RPL31: variants seen among roughly 807,000 people sequenced by gnomAD.
RPL31 encodes large ribosomal subunit protein eL31.
For synonymous variants in RPL31, 51 were observed against 55.0 expected, an observed-to-expected ratio of 0.93 and a Z score of 0.32; for missense variants, 95 against 164.0, an observed-to-expected ratio of 0.58 and a Z score of 2.30.
intron 3 of RPL31, 40 bp downstream of exon 3, chr2:101,004,323 T>C (rs1342965984): frequency 6.2e-7 from 1 of 1,610,406 alleles, no homozygotes; most frequent in Non-Finnish European, 8.5e-7. Flanking sequence ...ACTTTTGCAA[T>C]GACACCAGCT....
downstream of RPL31, chr2:101,008,318 A>G (rs1397112538): frequency 6.9e-7 from 1 of 1,440,848 alleles, no homozygotes; most frequent in Admixed American, 2.7e-5. Context: ...CCAGGGTGGA[A>G]GTGTCATTTT....
Position 101,006,240 on chromosome 2 carries a change from G to A in RPL31, c.347-110G>A, listed in dbSNP as rs1426142907. 11 of 1,526,626 alleles carry A rather than the reference G, an allele frequency of 7.2e-6. No individual in the cohort carries two copies. In the East Asian group the frequency reaches 2.3e-4, roughly 32 times the overall value. 94.6% of individuals were successfully genotyped at this position (1,526,626 alleles called of 1,614,324 possible). ...TGCAAAACTGATCCATATCTGGGAT[G>A]TAAAAAGGTTGTGGAAAATAGAATG... On this transcript the variant is annotated intron_variant, in intron 4 of 4. Transcript: ENST00000264258.
In RPL31 at chr2:101,002,692, C is replaced by T; in HGVS notation, c.1-10C>T. ...ACTCTGCTCTGAGCCTCCTTGTCGC[C>T]TGCATTTAGATGGCTCCCGCAAAGA... On this transcript the variant is annotated splice_polypyrimidine_tract_variant and intron_variant, in intron 1 of 4. Transcript: ENST00000264258. The T allele has an allele frequency of 1.2e-6, 2 of 1,610,138 alleles. No homozygotes were observed. The highest frequency in any genetic ancestry group is 1.3e-5 in the African/African-American group (1 of 74,848).
intron 4 of RPL31, among the ~76,000 whole-genome samples, chr2:101,015,298 C>T (rs1679542268): frequency 1.3e-5 from 2 of 152,140 alleles, no homozygotes; most frequent in South Asian, 4.1e-4. Flanking sequence ...GGTTGCAGGG[C>T]TGTGGAAGCT....
downstream of RPL31, among the ~76,000 whole-genome samples, chr2:101,009,799 CTT>C (rs1431446422): frequency 6.6e-6 from 1 of 150,824 alleles, no homozygotes; most frequent in Non-Finnish European, 1.5e-5. Context: ...ACCAAAATGA[CTT>C]AAGTCCTATA....
At position 101,018,994 on chromosome 2, in the gene RPL31, C is replaced by T. The variant is rs547495886; in HGVS notation, c.347-4C>T. 1.9e-6 allele frequency: 3 copies of T among 1,611,948 alleles called. No homozygotes were observed. The South Asian group carries it at 3.3e-5, about 18-fold the overall frequency. On this transcript the variant is annotated splice_region_variant and splice_polypyrimidine_tract_variant and intron_variant, in intron 4 of 4. Coordinates refer to the RPL31 transcript ENST00000409028. ...CCAAATCATCTGTAATATTTCTGTG[C>T]TAGTTTCTGTGCTAAACAGTGTTAC...
chr2:101,006,440 A>G lies in RPL31; in HGVS notation c.*59A>G. Reference sequence around the variant, plus strand: ...TTGCCTTCATGTTTTTGTTCTTTTTAGTTGCAACATAATGTACTTGTATAC... The same window carrying G: ...TTGCCTTCATGTTTTTGTTCTTTTTGGTTGCAACATAATGTACTTGTATAC... On this transcript the variant is annotated 3_prime_UTR_variant, in exon 5 of 5. Coordinates refer to ENST00000264258, the MANE Select transcript of RPL31 (RefSeq NM_000993.5). 2.6e-6 allele frequency: 4 copies of G among 1,514,340 alleles called. No homozygotes were observed. In the South Asian group the frequency reaches 3.6e-5, roughly 14 times the overall value. The allele number at this position is 1,514,340 out of a possible 1,614,324, so 93.8% of individuals were successfully genotyped here. A position where few individuals can be genotyped will look rare whatever the true frequency, so the allele number is the denominator to read the frequency against.
chr2:101,010,653 GGT>G (rs1251946682), downstream of RPL31, among the ~76,000 whole-genome samples: 1 of 151,992 alleles, frequency 6.6e-6, no homozygotes, highest in Non-Finnish European at 1.5e-5. Flanking sequence ...AGGAGGCTGA[GGT>G]GGGCAGATCA....
chr2:101,011,086 G>A, downstream of RPL31: 1 of 1,530,492 alleles, frequency 6.5e-7, no homozygotes, highest in South Asian at 1.1e-5. Context: ...ACAGCAAAAA[G>A]GAAACTATGT....
downstream of RPL31, among the ~76,000 whole-genome samples, chr2:101,009,423 A>T (rs1327940671): frequency 4.0e-5 from 6 of 148,214 alleles, no homozygotes; most frequent in Non-Finnish European, 6.0e-5. Flanking sequence ...AAAAAAAAAA[A>T]GAAAAATGCT....
downstream of RPL31, chr2:101,011,562 T>TG: frequency 1.2e-6 from 2 of 1,612,954 alleles, no homozygotes; most frequent in Middle Eastern, 1.7e-4. Context: ...ATGAGAGGTT[T>TG]AAATTAAACA....
chr2:101,002,902 C>G (rs755095346), intron 2 of RPL31, 94 bp downstream of exon 2: 6 of 888,340 alleles, frequency 6.8e-6, no homozygotes, highest in Admixed American at 6.2e-5. Flanking sequence ...ATCTTTTCCT[C>G]TTGTGGCCTT....
At position 101,018,174 on chromosome 2, in the gene RPL31, ATAAT is replaced by A. The variant is rs1257763934; in HGVS notation, c.347-821_347-818del. Reference sequence around the variant, plus strand: ...CATACAGATATTGCTGTACTAATCTATAATTATGTTTTAGAATTCAAATTATAAC... The same window carrying A: ...CATACAGATATTGCTGTACTAATCTATATGTTTTAGAATTCAAATTATAAC... On this transcript the variant is annotated intron_variant, in intron 4 of 4. Coordinates refer to the RPL31 transcript ENST00000409028. The A allele has an allele frequency of 7.6e-6, 3 of 397,098 alleles. No individual in the cohort carries two copies. In the Admixed American group the frequency reaches 1.2e-4, roughly 16 times the overall value. The allele number at this position is 397,098 out of a possible 1,614,324, so 24.6% of individuals were successfully genotyped here.
intron 1 of RPL31, 170 bp from the exon 2 acceptor site, chr2:101,002,532 A>C (rs1678579496): frequency 3.2e-6 from 2 of 629,298 alleles, no homozygotes; most frequent in Non-Finnish European, 5.8e-6. Context: ...GGTCGGAGGC[A>C]TCTGAGGGGC....
Position 101,006,352 on chromosome 2 carries a change from C to T in RPL31, c.349C>T (p.Leu117=). The change falls in exon 5 of 5, where the codon CTA becomes TTA. Residue 117 remains leucine (L), a splice_region_variant and synonymous_variant. Transcript: ENST00000264258. ...TYVPVTTFKN[L]QTVNVDEN ...ATTGACTGTTACTTCCTTTACAGAT[C>T]TACAGACAGTCAATGTGGATGAGAA... 6.2e-7 allele frequency: 1 copy of T among 1,610,434 alleles called. No individual in the cohort carries two copies. Among genetic ancestry groups the T allele is most frequent in the South Asian group, 1.1e-5 (1 of 90,048 alleles).
downstream of RPL31, among the ~76,000 whole-genome samples, chr2:101,010,250 T>A (rs1042798653): frequency 1.3e-5 from 2 of 152,164 alleles, no homozygotes; most frequent in Non-Finnish European, 2.9e-5. Flanking sequence ...TAGAGACTCC[T>A]CTATCAGTAC....
rs1482814353 is a variant in RPL31, at chr2:101,006,437, T to C, written c.*56T>C. Reference sequence around the variant, plus strand: ...AAATTGCCTTCATGTTTTTGTTCTTTTTAGTTGCAACATAATGTACTTGTA... The same window carrying C: ...AAATTGCCTTCATGTTTTTGTTCTTCTTAGTTGCAACATAATGTACTTGTA... On this transcript the variant is annotated 3_prime_UTR_variant, in exon 5 of 5. Transcript: ENST00000264258. 3.9e-6 allele frequency: 6 copies of C among 1,536,002 alleles called. No individual in the cohort carries two copies. The African/African-American group carries it at 5.5e-5, about 14-fold the overall frequency.
At chr2:101,003,945 A>C (rs114971812) in intron 2 of RPL31, among the ~76,000 whole-genome samples, 9 of 152,314 alleles carry the variant, frequency 5.9e-5, no homozygotes, top group Non-Finnish European at 1.2e-4. Flanking sequence ...GGGTTGGTTT[A>C]GGCTGGTTTT....
downstream of RPL31, among the ~76,000 whole-genome samples, chr2:101,009,821 C>CTTTT (rs1553470780): frequency 7.5e-6 from 1 of 134,192 alleles, no homozygotes; most frequent in African/African-American, 2.7e-5. Context: ...AAAAAAGGAG[C>CTTTT]TTTTTCTTTT....
Sources: gnomAD v4.1 joint callset for allele counts (sites outside exome capture counted in the v4.1 genomes callset) on GRCh38, gnomAD v4.1.1 for gene constraint, MANE v1.5 for transcripts, NCBI Gene and HGNC (gene_info 2026-07-23, HGNC 2026-07-21) for gene names.